SYNE2: variants seen among roughly 807,000 people sequenced by gnomAD.
The protein encoded by SYNE2 is nesprin-2.
In SYNE2, 431 loss-of-function variants were observed where a neutral mutation model predicts 856.3. The ratio of observed to expected loss-of-function variants is 0.50; its 90% CI spans 0.47 to 0.55. The LOEUF (loss-of-function observed/expected upper bound fraction) is 0.55, where lower values mean the gene tolerates loss of function less well. Among genes scored for constraint, SYNE2 ranks in the 20% least tolerant of loss-of-function variants. The probability of loss-of-function intolerance (pLI) is 0.00; values close to 1 mark genes in which losing one functional copy is unlikely to be tolerated. For synonymous variants in SYNE2, 2,923 were observed against 2,872.3 expected (o/e 1.02, Z -0.56); for missense variants, 8,129 against 8,023.2 (o/e 1.01, Z -0.50).
chr14:63,986,377 G>C, intron 18 of SYNE2, 79 bp from the exon 19 acceptor site: 1 of 1,483,186 alleles, frequency 6.7e-7, no homozygotes, highest in East Asian at 2.4e-5. Context: ...TGGGATTACA[G>C]GTGTAACTTT....
chr14:64,074,165 G>A (rs747588388), intron 53 of SYNE2, 29 bp downstream of exon 53: 1 of 1,606,096 alleles, frequency 6.2e-7, no homozygotes. Context: ...AGTGAATGTG[G>A]CAGGTACAGG....
At chr14:64,184,329 G>GTGT (rs2098477436) in intron 96 of SYNE2, among the ~76,000 whole-genome samples, 7 of 144,256 alleles carry the variant, frequency 4.9e-5, no homozygotes, top group African/African-American at 1.8e-4. Context: ...TATGCATAGG[G>GTGT]GTGTGTGTGT....
At chr14:64,218,834 TCGA>T (rs2098679036) in intron 109 of SYNE2, among the ~76,000 whole-genome samples, 1 of 152,216 alleles carries the variant, frequency 6.6e-6, no homozygotes, top group Non-Finnish European at 1.5e-5. Flanking sequence ...GTCTCTTCAT[TCGA>T]CCAGCCCAGT....
chr14:63,991,424 T>G (rs549002245), intron 21 of SYNE2, among the ~76,000 whole-genome samples: 1 of 152,358 alleles, frequency 6.6e-6, no homozygotes, highest in East Asian at 1.9e-4. Flanking sequence ...ATTGGCATAA[T>G]AATTCCAGCC....
At chr14:64,055,848 A>G in intron 48 of SYNE2, 96 bp from the exon 49 acceptor site, 1 of 695,176 alleles carries the variant, frequency 1.4e-6, no homozygotes. Flanking sequence ...AAAAAGACTC[A>G]GAGACATATT....
chr14:64,125,961 G>A (rs376184949), intron 71 of SYNE2, among the ~76,000 whole-genome samples: 1 of 152,016 alleles, frequency 6.6e-6, no homozygotes. Context: ...TTCATTAACC[G>A]CTTTCTCCTA....
At chr14:64,114,718 G>A (rs929481400) in intron 66 of SYNE2, among the ~76,000 whole-genome samples, 8 of 151,658 alleles carry the variant, frequency 5.3e-5, no homozygotes, top group Admixed American at 2.0e-4. Flanking sequence ...CCTGGGCTCA[G>A]GTGATCCTCC....
chr14:63,794,401 G>T (rs1025294455), intron 1 of SYNE2, among the ~76,000 whole-genome samples: 5 of 151,996 alleles, frequency 3.3e-5, no homozygotes, highest in African/African-American at 9.7e-5. Flanking sequence ...TGTTGGCTAG[G>T]CTGGTCTCAA....
intron 2 of SYNE2, among the ~76,000 whole-genome samples, chr14:63,938,669 T>C (rs11623650): frequency 0.71 from 107,953 of 151,878 alleles, 38,570 homozygotes; most frequent in South Asian, 0.77. Flanking sequence ...AAAGCAAAGC[T>C]GCCACTTGAG....
chr14:63,812,175 C>G (rs377019114), intron 1 of SYNE2, among the ~76,000 whole-genome samples: 1 of 152,068 alleles, frequency 6.6e-6, no homozygotes, highest in Admixed American at 6.6e-5. Context: ...ACTCCCAGAG[C>G]GGCCGTTTAT....
intron 1 of SYNE2, among the ~76,000 whole-genome samples, chr14:63,857,202 G>A (rs1241759011): frequency 6.6e-6 from 1 of 152,054 alleles, no homozygotes; most frequent in Non-Finnish European, 1.5e-5. Flanking sequence ...ATTAGTTTGC[G>A]TTTTTTAGAA....
chr14:64,113,204 C>CT (rs1287517076), intron 65 of SYNE2, 137 bp from the exon 66 acceptor site: 9 of 1,521,542 alleles, frequency 5.9e-6, no homozygotes, highest in Non-Finnish European at 7.9e-6. Flanking sequence ...TGTGGAGGTG[C>CT]ATTTCTCTTT....
At chr14:64,054,703 C>T (rs1007821549) in intron 48 of SYNE2, among the ~76,000 whole-genome samples, 6 of 152,188 alleles carry the variant, frequency 3.9e-5, no homozygotes, top group African/African-American at 1.4e-4. Context: ...GTGACGCCAA[C>T]ACACTCCCTT....
At chr14:64,065,842 ATT>A (rs1161107948) in intron 51 of SYNE2, among the ~76,000 whole-genome samples, 192 bp downstream of exon 51, 1 of 152,212 alleles carries the variant, frequency 6.6e-6, no homozygotes, top group Non-Finnish European at 1.5e-5. Context: ...TATTCAGATT[ATT>A]TTATAGTAGT....
At chr14:64,214,680 A>G (rs1426556260) in intron 106 of SYNE2, among the ~76,000 whole-genome samples, 2 of 152,152 alleles carry the variant, frequency 1.3e-5, no homozygotes, top group Non-Finnish European at 2.9e-5. Flanking sequence ...GGGAAAAAAA[A>G]TGAAATTCAC....
chr14:64,163,356 G>T, intron 88 of SYNE2, 46 bp from the exon 89 acceptor site: 1 of 1,609,970 alleles, frequency 6.2e-7, no homozygotes, highest in Non-Finnish European at 8.5e-7. Flanking sequence ...GGGAATTGTG[G>T]TTTGAAAGGA....
rs746686637 is a variant in SYNE2 at position 64,113,336 on chromosome 14, C to T, written c.12610-5C>T. On this transcript the variant is annotated splice_region_variant and splice_polypyrimidine_tract_variant and intron_variant, in intron 65 of 115. Coordinates refer to ENST00000555002, the MANE Select transcript of SYNE2 (RefSeq NM_182914.3). Reference sequence around the variant, plus strand: ...CTCCCTGGCTTATCTTTGGATTTCTCTTAGGGCACCACACCTCCTATTGAG... The same window carrying T: ...CTCCCTGGCTTATCTTTGGATTTCTTTTAGGGCACCACACCTCCTATTGAG... 2 of 1,613,584 alleles carry T rather than the reference C, an allele frequency of 1.2e-6. No homozygotes were observed. Among genetic ancestry groups the T allele is most frequent in the Admixed American group, 1.7e-5 (1 of 60,020 alleles).
chr14:64,113,278 G>A, intron 65 of SYNE2, 63 bp from the exon 66 acceptor site: 1 of 1,611,126 alleles, frequency 6.2e-7, no homozygotes, highest in Non-Finnish European at 8.5e-7. Flanking sequence ...CAGGTTCCCA[G>A]GTCTTTGCAG....
chr14:63,985,524 C>T (rs931214921), intron 18 of SYNE2, among the ~76,000 whole-genome samples: 5 of 151,960 alleles, frequency 3.3e-5, no homozygotes, highest in African/African-American at 7.3e-5. Context: ...TTTACAACTA[C>T]CATTACTAAG....
Sources: gnomAD v4.1 joint callset for allele counts (sites outside exome capture counted in the v4.1 genomes callset) on GRCh38, gnomAD v4.1.1 for gene constraint, MANE v1.5 for transcripts, NCBI Gene and HGNC (gene_info 2026-07-23, HGNC 2026-07-21) for gene names.